The following COL21A1 variants were observed in gnomAD, a reference collection of about 807,000 sequenced individuals.
The protein encoded by COL21A1 is collagen type XXI alpha 1 chain, also known as collagen alpha-1(XXI) chain.
In COL21A1, 149 loss-of-function variants were observed where a neutral mutation model predicts 137.9. The ratio of observed to expected loss-of-function variants is 1.08; its 90% CI spans 0.95 to 1.24. The LOEUF is 1.24. COL21A1 is among the 50% of genes most tolerant of loss of function. COL21A1 has a pLI of 0.00. For synonymous variants in COL21A1, 456 were observed against 391.5 expected (o/e 1.16, Z -1.95); for missense variants, 1,167 against 1,158.4 (o/e 1.01, Z -0.11).
chr6:56,169,405 A>T (rs1776849090), intron 5 of COL21A1, among the ~76,000 whole-genome samples: 1 of 151,974 alleles, frequency 6.6e-6, no homozygotes, highest in African/African-American at 2.4e-5. Flanking sequence ...AGTAGAGAAG[A>T]TTGCCTTGAC....
At chr6:56,127,133 A>G (rs1773110693) in intron 12 of COL21A1, among the ~76,000 whole-genome samples, 1 of 152,126 alleles carries the variant, frequency 6.6e-6, no homozygotes, top group South Asian at 2.1e-4. Context: ...CAGAGGATTA[A>G]TCTCTCATAG....
At chr6:56,059,909 AT>A (rs1393702570) in intron 28 of COL21A1, 108 bp downstream of exon 28, 4 of 710,568 alleles carry the variant, frequency 5.6e-6, no homozygotes, top group Non-Finnish European at 9.1e-6. Flanking sequence ...GCATTTACAG[AT>A]TTTTTTATCA....
Position 56,061,050 on chromosome 6 carries a change from G to C in COL21A1, c.2206-13C>G, listed in dbSNP as rs779497331. ...CCTTTTCACCTCTCTAAAAGCAAAA[G>C]AAATCTTTACAAGTTCTATTTAAAT... On this transcript the variant is annotated splice_polypyrimidine_tract_variant and intron_variant, in intron 25 of 29. Coordinates refer to ENST00000244728, the MANE Select transcript of COL21A1 (RefSeq NM_030820.4). The C allele has an allele frequency of 3.8e-6, 6 of 1,565,982 alleles. No individual in the cohort carries two copies. In the South Asian group the frequency reaches 7.2e-5, roughly 19 times the overall value.
chr6:56,268,369 C>T (rs1255676067), intron 1 of COL21A1, among the ~76,000 whole-genome samples: 1 of 152,158 alleles, frequency 6.6e-6, no homozygotes, highest in Non-Finnish European at 1.5e-5. Context: ...AGGAACAGAC[C>T]TGATGAGGGA....
chr6:56,257,358 C>T (rs1763124594), intron 1 of COL21A1, among the ~76,000 whole-genome samples: 1 of 152,228 alleles, frequency 6.6e-6, no homozygotes, highest in South Asian at 2.1e-4. Flanking sequence ...TGGCATTATG[C>T]AGCAGAAGCC....
intron 10 of COL21A1, 30 bp downstream of exon 10, chr6:56,156,857 A>G (rs1053932327): frequency 6.4e-7 from 1 of 1,574,326 alleles, no homozygotes; most frequent in African/African-American, 1.3e-5. Flanking sequence ...TCCCAGATAT[A>G]CCGGAGATGA....
intron 1 of COL21A1, among the ~76,000 whole-genome samples, chr6:56,368,611 C>T (rs1380455216): frequency 1.3e-5 from 2 of 152,228 alleles, no homozygotes; most frequent in Non-Finnish European, 2.9e-5. Flanking sequence ...TCCACAACCT[C>T]TTCTCCTCAC....
Position 56,240,078 on chromosome 6 carries a change from G to A in COL21A1, c.-39+7309C>T, listed in dbSNP as rs577588154. 1.8e-4 allele frequency among the ~76,000 whole-genome samples: 28 copies of A among 151,914 alleles called. 2 individuals carry two copies. The South Asian group carries it at 5.0e-3, about 27-fold the overall frequency. Reference sequence around the variant, plus strand: ...CGCTTGGCTCTCATTTTCTCTGTCTGCCACCAGGCAAGATGTGTCATTTGC... The same window carrying A: ...CGCTTGGCTCTCATTTTCTCTGTCTACCACCAGGCAAGATGTGTCATTTGC... On this transcript the variant is annotated intron_variant, in intron 1 of 29. Transcript: ENST00000244728.
chr6:56,349,640 G>A (rs1422904495), intron 1 of COL21A1, among the ~76,000 whole-genome samples: 8 of 152,190 alleles, frequency 5.3e-5, no homozygotes, highest in Admixed American at 5.2e-4. Context: ...AAGAGGCACA[G>A]CAATGAGTCA....
intron 17 of COL21A1, among the ~76,000 whole-genome samples, chr6:56,087,061 CTTTTGTTTTG>C (rs58458377): frequency 0.18 from 27,445 of 148,838 alleles, 3,061 homozygotes; most frequent in African/African-American, 0.32. Flanking sequence ...GTCCCTTCAC[CTTTTGTTTTG>C]TTTTGTTTTG....
intron 9 of COL21A1, among the ~76,000 whole-genome samples, chr6:56,162,496 G>A (rs74331786): frequency 0.067 from 10,136 of 152,222 alleles, 393 homozygotes; most frequent in Admixed American, 0.11. Context: ...GAAAGTACAT[G>A]AGTAAAAATA....
chr6:56,317,805 G>A (rs576684890), intron 1 of COL21A1, among the ~76,000 whole-genome samples: 10 of 152,080 alleles, frequency 6.6e-5, no homozygotes, highest in Admixed American at 2.0e-4. Context: ...ATCCCTTGCC[G>A]CCTTCATGAT....
intron 10 of COL21A1, among the ~76,000 whole-genome samples, chr6:56,146,337 C>G (rs1774833550): frequency 6.6e-6 from 1 of 152,032 alleles, no homozygotes; most frequent in African/African-American, 2.4e-5. Flanking sequence ...TTTTTAATGT[C>G]CACTGTGGAA....
At chr6:56,099,356 C>T (rs1250769933) in intron 17 of COL21A1, among the ~76,000 whole-genome samples, 1 of 151,296 alleles carries the variant, frequency 6.6e-6, no homozygotes, top group African/African-American at 2.4e-5. Context: ...GCCTCAGCCC[C>T]TCTCCGAGTA....
chr6:56,304,116 C>T (rs1764372705), intron 1 of COL21A1, among the ~76,000 whole-genome samples: 1 of 152,166 alleles, frequency 6.6e-6, no homozygotes, highest in Non-Finnish European at 1.5e-5. Context: ...TTTTGACGTG[C>T]TGCTGGATTC....
intron 1 of COL21A1, among the ~76,000 whole-genome samples, chr6:56,268,191 G>C (rs1763439969): frequency 6.6e-6 from 1 of 152,210 alleles, no homozygotes; most frequent in Non-Finnish European, 1.5e-5. Context: ...ATGGGTTCAT[G>C]GGCCGACACA....
intron 1 of COL21A1, among the ~76,000 whole-genome samples, chr6:56,389,377 A>AAACAT (rs2094024678): frequency 6.6e-6 from 1 of 151,972 alleles, no homozygotes; most frequent in South Asian, 2.1e-4. Flanking sequence ...AAACAAAACA[A>AAACAT]AACAAAAAAT....
chr6:56,197,587 A>G lies in COL21A1; in HGVS notation c.-38-14931T>C, dbSNP rs115288139. ...TTCCAAAGAAGACATACAAATGGTC[A>G]ACAGGTATATAAGATGTTCAACATC... On this transcript the variant is annotated intron_variant, in intron 1 of 29. Transcript: ENST00000244728. Among the ~76,000 whole-genome samples, 895 of 152,278 alleles carry G rather than the reference A, an allele frequency of 5.9e-3. 8 individuals carry two copies. Among genetic ancestry groups the G allele is most frequent in the African/African-American group, 0.019 (807 of 41,584 alleles).
chr6:56,074,257 C>T lies in COL21A1; in HGVS notation c.1940G>A (p.Gly647Asp), dbSNP rs778800969. Reference sequence around the variant, plus strand: ...CTTAGATCCCGGTGTTCCAGGCTGGCCTGGTGAGCCATTGCTTCCCATTAA... The same window carrying T: ...CTTAGATCCCGGTGTTCCAGGCTGGTCTGGTGAGCCATTGCTTCCCATTAA... ...PGLMGSNGSP[G>D]QPGTPGSKGS... Residue 647 changes from glycine (G) to aspartate (D), a missense_variant, in exon 20 of 30, where the codon GGC becomes GAC. Transcript: ENST00000244728. 1.9e-6 allele frequency: 3 copies of T among 1,592,026 alleles called. No homozygotes were observed. The highest frequency in any genetic ancestry group is 3.5e-5 in the Admixed American group (2 of 57,092).
Sources: gnomAD v4.1 joint callset for allele counts (sites outside exome capture counted in the v4.1 genomes callset) on GRCh38, gnomAD v4.1.1 for gene constraint, MANE v1.5 for transcripts, NCBI Gene and HGNC (gene_info 2026-07-23, HGNC 2026-07-21) for gene names.